NBEA: variants seen among roughly 807,000 people sequenced by gnomAD.
The protein encoded by NBEA is lysosomal-trafficking regulator 2.
NBEA carries 44 observed loss-of-function variants against 343.4 expected under a neutral mutation model. The ratio of observed to expected loss-of-function variants is 0.13; its 90% CI spans 0.10 to 0.16. The LOEUF is 0.16. NBEA is among the 10% of genes least tolerant of loss of function. The pLI is 1.00. For missense variants in NBEA, 2,555 were observed against 3,631.3 expected (o/e 0.70, Z 7.62); for synonymous variants, 1,175 against 1,238.7 (o/e 0.95, Z 1.08).
At position 35,183,975 on chromosome 13, in the gene NBEA, G is replaced by T; in HGVS notation, c.4832-1G>T. ...ATTTGATTCCATGATTTTCTCCACA[G>T]TTGTGGTCATACCATCTATCCCTCA... On this transcript the variant is annotated splice_acceptor_variant, in intron 29 of 58. Transcript: ENST00000379939. LOFTEE classifies it high-confidence loss of function. The T allele has an allele frequency of 6.2e-7, 1 of 1,607,874 alleles. No homozygotes were observed. The highest frequency in any genetic ancestry group is 1.1e-5 in the South Asian group (1 of 90,670).
At chr13:35,243,291 A>C (rs1164291828) in intron 34 of NBEA, among the ~76,000 whole-genome samples, 2 of 151,936 alleles carry the variant, frequency 1.3e-5, no homozygotes, top group East Asian at 1.9e-4. Context: ...CGAAAGAACA[A>C]GAGAAAAAGC....
At chr13:35,062,867 C>A (rs1324194395) in intron 8 of NBEA, among the ~76,000 whole-genome samples, 2 of 151,860 alleles carry the variant, frequency 1.3e-5, no homozygotes, top group Non-Finnish European at 2.9e-5. Flanking sequence ...CATATGACAA[C>A]TAACAGAAAG....
chr13:35,070,517 G>A (rs190016555), intron 9 of NBEA, among the ~76,000 whole-genome samples: 2 of 152,052 alleles, frequency 1.3e-5, no homozygotes, highest in South Asian at 2.1e-4. Context: ...GTGTGAAAAT[G>A]CCTCAACCTA....
intron 35 of NBEA, among the ~76,000 whole-genome samples, chr13:35,303,373 G>C (rs2036681849): frequency 6.6e-6 from 1 of 152,024 alleles, no homozygotes; most frequent in African/African-American, 2.4e-5. Flanking sequence ...TAGATCACTA[G>C]TTAATAATAT....
At chr13:35,534,042 T>C (rs1480238943) in intron 41 of NBEA, among the ~76,000 whole-genome samples, 1 of 152,068 alleles carries the variant, frequency 6.6e-6, no homozygotes, top group Non-Finnish European at 1.5e-5. Flanking sequence ...TGTAGATAGG[T>C]TAATTGTTTT....
chr13:35,060,041 A>G (rs1231960255), intron 8 of NBEA, among the ~76,000 whole-genome samples: 1 of 151,644 alleles, frequency 6.6e-6, no homozygotes, highest in African/African-American at 2.4e-5. Flanking sequence ...TTGCATAGGA[A>G]TATTTTTGTA....
chr13:35,613,900 CTATTTT>C (rs1312185198), intron 48 of NBEA, among the ~76,000 whole-genome samples: 4 of 152,194 alleles, frequency 2.6e-5, no homozygotes, highest in Non-Finnish European at 5.9e-5. Context: ...CAAGCCAGGC[CTATTTT>C]TAGTTTTTTG....
In NBEA at chr13:35,541,793, G is replaced by T. The variant is rs146676149; in HGVS notation, c.6586-8684G>T. Reference sequence around the variant, plus strand: ...TTGTGTCTGTACACATGCACAAAAAGGTAGGGAGTAATTGCAGTAGTAGGC... The same window carrying T: ...TTGTGTCTGTACACATGCACAAAAATGTAGGGAGTAATTGCAGTAGTAGGC... On this transcript the variant is annotated intron_variant, in intron 41 of 58. Transcript: ENST00000379939. 7.3e-4 allele frequency among the ~76,000 whole-genome samples: 110 copies of T among 150,080 alleles called. 1 individual carries two copies. The highest frequency in any genetic ancestry group is 2.5e-3 in the African/African-American group (102 of 41,002).
chr13:35,274,482 C>T (rs988837884), intron 34 of NBEA, among the ~76,000 whole-genome samples: 3 of 152,182 alleles, frequency 2.0e-5, no homozygotes, highest in African/African-American at 7.2e-5. Flanking sequence ...CTCACCACTC[C>T]TATTCAACAT....
chr13:35,573,486 G>GT (rs1286376328), intron 45 of NBEA, among the ~76,000 whole-genome samples: 6 of 152,146 alleles, frequency 3.9e-5, no homozygotes, highest in African/African-American at 1.4e-4. Flanking sequence ...GTGTTTTTGT[G>GT]TTTGTTTGTT....
chr13:35,461,294 C>T (rs1373246035), intron 40 of NBEA, among the ~76,000 whole-genome samples: 1 of 152,180 alleles, frequency 6.6e-6, no homozygotes, highest in East Asian at 1.9e-4. Context: ...AAACCGTACT[C>T]ATAAGATCTG....
Position 35,196,145 on chromosome 13 carries a change from C to G in NBEA, c.5209C>G (p.Gln1737Glu). ...KPATSISSIS[Q>E]TKGINVKEIL... Reference sequence around the variant, plus strand: ...TGCAACATCCATATCTAGCATTAGTCAAACCAAAGGCATCAATGTGAAGGA... The same window carrying G: ...TGCAACATCCATATCTAGCATTAGTGAAACCAAAGGCATCAATGTGAAGGA... Residue 1737 changes from glutamine to glutamate, a missense_variant, in exon 31 of 59, where the codon CAA (glutamine) becomes GAA (glutamate). Physicochemically the swap from Gln to Glu is conservative, Grantham distance 29. Coordinates refer to ENST00000379939, the MANE Select transcript of NBEA (RefSeq NM_001385012.1). The G allele has an allele frequency of 6.2e-7, 1 of 1,613,666 alleles. No individual in the cohort carries two copies. The highest frequency in any genetic ancestry group is 1.3e-5 in the African/African-American group (1 of 75,026).
intron 38 of NBEA, among the ~76,000 whole-genome samples, chr13:35,358,171 A>C (rs535803710): frequency 6.6e-6 from 1 of 151,772 alleles, no homozygotes; most frequent in African/African-American, 2.4e-5. Flanking sequence ...ACAGGCACGC[A>C]CCACCACACC....
chr13:35,405,635 C>T (rs184790263), intron 38 of NBEA, among the ~76,000 whole-genome samples: 16 of 152,062 alleles, frequency 1.1e-4, no homozygotes, highest in African/African-American at 2.4e-4. Context: ...CTGTGATAGA[C>T]GTAGTTTCAA....
intron 39 of NBEA, among the ~76,000 whole-genome samples, chr13:35,434,666 G>C (rs949982131): frequency 1.3e-5 from 2 of 152,200 alleles, no homozygotes; most frequent in Non-Finnish European, 2.9e-5. Flanking sequence ...ACTGAGTGGA[G>C]AGTTGGGAGT....
intron 53 of NBEA, among the ~76,000 whole-genome samples, chr13:35,652,343 A>G (rs1219465459): frequency 6.9e-6 from 1 of 145,766 alleles, no homozygotes. Context: ...TTAAATTTAA[A>G]AAAAAAAAAA....
chr13:35,180,791 C>T (rs2071262411), intron 28 of NBEA, among the ~76,000 whole-genome samples: 1 of 151,666 alleles, frequency 6.6e-6, no homozygotes, highest in South Asian at 2.1e-4. Context: ...TATACACTGA[C>T]CCCAATTTGT....
chr13:35,242,342 G>T (rs1191681713), intron 34 of NBEA, among the ~76,000 whole-genome samples: 1 of 151,740 alleles, frequency 6.6e-6, no homozygotes, highest in Non-Finnish European at 1.5e-5. Flanking sequence ...TTGAAGACAG[G>T]TCATATGAAA....
chr13:35,107,175 C>T (rs891300257), intron 11 of NBEA, among the ~76,000 whole-genome samples: 2 of 151,552 alleles, frequency 1.3e-5, no homozygotes, highest in Non-Finnish European at 2.9e-5. Flanking sequence ...TAATTTCATC[C>T]CTTTACAAAT....
Sources: gnomAD v4.1 joint callset for allele counts (sites outside exome capture counted in the v4.1 genomes callset) on GRCh38, gnomAD v4.1.1 for gene constraint, MANE v1.5 for transcripts, NCBI Gene and HGNC (gene_info 2026-07-23, HGNC 2026-07-21) for gene names.